ANXA7: variants seen among roughly 807,000 people sequenced by gnomAD.
ANXA7 encodes annexin A7.
In ANXA7, 55 loss-of-function variants were observed where a neutral mutation model predicts 64.9. The ratio of observed to expected loss-of-function variants is 0.85; its 90% CI spans 0.68 to 1.06. The LOEUF is 1.06. Among genes scored for constraint, ANXA7 ranks in the 50% least tolerant of loss-of-function variants. ANXA7 has a pLI of 0.00. For missense variants in ANXA7, 548 were observed against 582.1 expected, an observed-to-expected ratio of 0.94 and a Z score of 0.60; for synonymous variants, 200 against 192.4, an observed-to-expected ratio of 1.04 and a Z score of -0.33.
chr10:73,393,537 C>G (rs1038239720), intron 5 of ANXA7, among the ~76,000 whole-genome samples: 17 of 152,196 alleles, frequency 1.1e-4, no homozygotes, highest in Middle Eastern at 3.4e-3. Context: ...CAGAACAGAG[C>G]CCTCAGAAGT....
At chr10:73,390,026 T>G (rs947493577) in intron 5 of ANXA7, among the ~76,000 whole-genome samples, 4 of 152,218 alleles carry the variant, frequency 2.6e-5, no homozygotes, top group African/African-American at 7.2e-5. Context: ...AACAACACAT[T>G]TCTTGTATGT....
intron 5 of ANXA7, among the ~76,000 whole-genome samples, chr10:73,394,156 A>G (rs2055532002): frequency 1.3e-5 from 2 of 152,240 alleles, no homozygotes; most frequent in Admixed American, 6.5e-5. Context: ...CAAAACCACA[A>G]TGAGATATCA....
chr10:73,379,690 C>T (rs985617604), intron 11 of ANXA7, among the ~76,000 whole-genome samples, 189 bp downstream of exon 11: 3 of 152,174 alleles, frequency 2.0e-5, no homozygotes, highest in African/African-American at 4.8e-5. Context: ...TATGTAAAAA[C>T]ACAGGACTGT....
At chr10:73,388,274 TTAAC>T (rs1355584518) in intron 6 of ANXA7, 34 bp downstream of exon 6, 5 of 1,474,996 alleles carry the variant, frequency 3.4e-6, no homozygotes, top group Middle Eastern at 1.7e-4. Flanking sequence ...ACTGATTACT[TTAAC>T]TTATTAAAAA....
intron 12 of ANXA7, 109 bp downstream of exon 12, chr10:73,378,802 G>A: frequency 7.8e-6 from 6 of 770,564 alleles, no homozygotes; most frequent in Non-Finnish European, 1.1e-5. Context: ...GTGGCAAAGA[G>A]AGCTCTTTCT....
chr10:73,397,108 G>T, intron 4 of ANXA7, 56 bp downstream of exon 4: 3 of 912,978 alleles, frequency 3.3e-6, no homozygotes, highest in South Asian at 2.5e-5. Flanking sequence ...CCTCAATGGT[G>T]ATTTAAAAAC....
At position 73,379,968 on chromosome 10, in the gene ANXA7, T is replaced by A. The variant is rs1272343043; in HGVS notation, c.1090-14A>T. 1 of 1,613,434 alleles carries A rather than the reference T, an allele frequency of 6.2e-7. No individual in the cohort carries two copies. Among genetic ancestry groups the A allele is most frequent in the South Asian group, 1.1e-5 (1 of 90,908 alleles). ...TCGATTAGCCATCTGCAAACAAAAT[T>A]AAAGGGTTAAATATTTTTGTATCTT... On this transcript the variant is annotated splice_polypyrimidine_tract_variant and intron_variant, in intron 10 of 12. Coordinates refer to ENST00000372921, the MANE Select transcript of ANXA7 (RefSeq NM_001156.5).
At chr10:73,408,587 T>A (rs1269878349) in intron 1 of ANXA7, among the ~76,000 whole-genome samples, 2 of 152,136 alleles carry the variant, frequency 1.3e-5, no homozygotes, top group African/African-American at 4.8e-5. Context: ...AGGAATTATG[T>A]CAACAAAAAT....
At chr10:73,410,743 T>C (rs2055825871) in intron 1 of ANXA7, among the ~76,000 whole-genome samples, 1 of 149,102 alleles carries the variant, frequency 6.7e-6, no homozygotes, top group Non-Finnish European at 1.5e-5. Context: ...GATCACGCCA[T>C]TGCACTCCAG....
rs751811147 is a variant in ANXA7, at chr10:73,376,075, T to TA, written c.*19dup. On this transcript the variant is annotated 3_prime_UTR_variant, in exon 13 of 13. Transcript: ENST00000372921. Reference sequence around the variant, plus strand: ...GCTATGAATAGAAATTTTTTTTCATTAAAAAAAAAAAAATCCCTCCTACTG... The same window carrying TA: ...GCTATGAATAGAAATTTTTTTTCATTAAAAAAAAAAAAAATCCCTCCTACTG... 43,005 of 1,220,988 alleles carry TA rather than the reference T, an allele frequency of 0.035. No individual in the cohort carries two copies. Among genetic ancestry groups the TA allele is most frequent in the South Asian group, 0.045 (2,849 of 63,284 alleles). The allele number at this position is 1,220,988 out of a possible 1,614,324, so 75.6% of individuals were successfully genotyped here.
chr10:73,390,524 A>T (rs1258822677), intron 5 of ANXA7, among the ~76,000 whole-genome samples: 1 of 151,996 alleles, frequency 6.6e-6, no homozygotes, highest in East Asian at 1.9e-4. Context: ...GTATAAAAAA[A>T]TTTTATAAGC....
intron 2 of ANXA7, among the ~76,000 whole-genome samples, chr10:73,399,931 C>G (rs1224491841): frequency 1.3e-5 from 2 of 152,088 alleles, no homozygotes; most frequent in Admixed American, 6.5e-5. Context: ...CATTTGAGGT[C>G]AGGAGTTTGA....
At chr10:73,381,442 TAG>T (rs1469350684) in intron 9 of ANXA7, 3 of 152,286 alleles carry the variant, frequency 2.0e-5, no homozygotes, top group Non-Finnish European at 4.4e-5. Context: ...GGCTGCCTTT[TAG>T]AGTCTCAGGG....
Position 73,396,511 on chromosome 10 carries a change from C to A in ANXA7, c.435+8G>T. 4 of 1,603,714 alleles carry A rather than the reference C, an allele frequency of 2.5e-6. No individual in the cohort carries two copies. Among genetic ancestry groups the A allele is most frequent in the Non-Finnish European group, 3.4e-6 (4 of 1,175,152 alleles). On this transcript the variant is annotated splice_region_variant and intron_variant, in intron 5 of 12. Coordinates refer to ENST00000372921, the MANE Select transcript of ANXA7 (RefSeq NM_001156.5). ...CTAGAGTGAGCTTAAAAGGTAGGAA[C>A]AAAATACCTGACTAGGGTAAGTAGG...
intron 1 of ANXA7, among the ~76,000 whole-genome samples, chr10:73,411,481 T>C (rs2055837069): frequency 6.6e-6 from 1 of 152,126 alleles, no homozygotes; most frequent in African/African-American, 2.4e-5. Flanking sequence ...TGCTCTATCA[T>C]CCAGGCTGGA....
chr10:73,383,555 A>C, intron 8 of ANXA7, 22 bp downstream of exon 8: 2 of 1,543,286 alleles, frequency 1.3e-6, no homozygotes, highest in Non-Finnish European at 1.8e-6. Flanking sequence ...AAATATTCAT[A>C]ATAAATGACA....
intron 1 of ANXA7, among the ~76,000 whole-genome samples, chr10:73,411,864 T>C (rs1026265359): frequency 3.3e-5 from 5 of 150,080 alleles, no homozygotes; most frequent in African/African-American, 1.3e-4. Flanking sequence ...ATAACACGTA[T>C]TAATGAAAAA....
chr10:73,400,636 C>T (rs571494841), intron 2 of ANXA7, among the ~76,000 whole-genome samples, 167 bp downstream of exon 2: 2 of 152,310 alleles, frequency 1.3e-5, no homozygotes, highest in South Asian at 4.1e-4. Flanking sequence ...ATAGACAAAG[C>T]AAGACCTCTC....
At chr10:73,413,962 G>A (rs1328277160) in intron 1 of ANXA7, 50 bp downstream of exon 1, 2 of 152,648 alleles carry the variant, frequency 1.3e-5, no homozygotes, top group East Asian at 3.9e-4. Flanking sequence ...CCGAGGGCAA[G>A]ACCACCGAGG....
Sources: allele counts gnomAD v4.1 joint callset (sites outside exome capture counted in the v4.1 genomes callset), GRCh38; gene constraint gnomAD v4.1.1; transcripts MANE v1.5; gene names NCBI Gene and HGNC (gene_info 2026-07-23, HGNC 2026-07-21).